Variants in GTPBP10 observed in about 807,000 individuals in gnomAD.
The protein encoded by GTPBP10 is GTP-binding protein 10.
In GTPBP10, 38 loss-of-function variants were observed where a neutral mutation model predicts 44.8. That is an observed-to-expected ratio of 0.85 (90% CI 0.65 to 1.11). The LOEUF is 1.11. GTPBP10 is among the 50% of genes most tolerant of loss of function. The pLI is 0.00. For missense variants in GTPBP10, 462 were observed against 453.7 expected (o/e 1.02, Z -0.17); for synonymous variants, 152 against 150.6 (o/e 1.01, Z -0.07).
At position 90,389,212 on chromosome 7, in the gene GTPBP10, A is replaced by G. The variant is rs1796574558; in HGVS notation, c.*4058A>G. 1 of 152,174 alleles carries G rather than the reference A, an allele frequency of 6.6e-6. No homozygotes were observed. Among genetic ancestry groups the G allele is most frequent in the South Asian group, 2.1e-4 (1 of 4,828 alleles). 9.4% of individuals were successfully genotyped at this position (152,174 alleles called of 1,614,324 possible). On this transcript the variant is annotated 3_prime_UTR_variant, in exon 10 of 10. Coordinates refer to ENST00000222511, the MANE Select transcript of GTPBP10 (RefSeq NM_033107.4). ...TTCGAGTACATGGTCTGTGCTAGTA[A>G]TCATATCTAAAGTGGTAATGTTACC...
At chr7:90,362,128 T>C (rs779053011) in intron 4 of GTPBP10, among the ~76,000 whole-genome samples, 176 of 152,128 alleles carry the variant, frequency 1.2e-3, no homozygotes, top group Non-Finnish European at 2.1e-3. Context: ...GTGTCTCTAT[T>C]TCCTTCATTT....
intron 8 of GTPBP10, among the ~76,000 whole-genome samples, chr7:90,381,079 T>C (rs1340588288): frequency 6.6e-6 from 1 of 152,224 alleles, no homozygotes; most frequent in Non-Finnish European, 1.5e-5. Context: ...TTGTGAATAA[T>C]GTTTCAGTAA....
intron 4 of GTPBP10, 89 bp from the exon 5 acceptor site, chr7:90,372,066 C>G: frequency 1.3e-6 from 1 of 742,246 alleles, no homozygotes; most frequent in South Asian, 1.8e-5. Context: ...CTTTTAATCC[C>G]AAATATATTC....
chr7:90,374,713 GAGAA>G (rs776437052), intron 6 of GTPBP10, among the ~76,000 whole-genome samples: 6 of 151,154 alleles, frequency 4.0e-5, no homozygotes, highest in African/African-American at 4.9e-5. Context: ...TTCTTTTTTT[GAGAA>G]AGAAAATGTT....
chr7:90,372,311 T>TAACTCGG (rs899208669), intron 5 of GTPBP10, 83 bp downstream of exon 5: 1 of 995,206 alleles, frequency 1.0e-6, no homozygotes, highest in African/African-American at 1.6e-5. Context: ...AATAAAATGA[T>TAACTCGG]AACTCGGAGG....
rs1360942499 is a variant in GTPBP10 at position 90,389,927 on chromosome 7, A to G, written c.*4773A>G. 1 of 152,234 alleles carries G rather than the reference A, an allele frequency of 6.6e-6. No homozygotes were observed. The highest frequency in any genetic ancestry group is 2.4e-5 in the African/African-American group (1 of 41,416). The allele number at this position is 152,234 out of a possible 1,614,324, so 9.4% of individuals were successfully genotyped here. On this transcript the variant is annotated 3_prime_UTR_variant, in exon 10 of 10. Coordinates refer to ENST00000222511, the MANE Select transcript of GTPBP10 (RefSeq NM_033107.4). ...CTCATCCTCCCAAGTAGCTAGGACT[A>G]CAAGTGTGTGCCACCATACCTGGCT...
chr7:90,372,044 A>C, intron 4 of GTPBP10, 111 bp from the exon 5 acceptor site: 1 of 628,008 alleles, frequency 1.6e-6, no homozygotes, highest in Non-Finnish European at 2.7e-6. Context: ...TTTATAATAC[A>C]TTTATATTCT....
intron 1 of GTPBP10, among the ~76,000 whole-genome samples, chr7:90,348,389 A>C (rs1207554200): frequency 6.6e-6 from 1 of 152,216 alleles, no homozygotes; most frequent in Non-Finnish European, 1.5e-5. Context: ...TGGAAGCCTC[A>C]CTGATAACAT....
chr7:90,371,941 T>A (rs1478757119), intron 4 of GTPBP10, among the ~76,000 whole-genome samples: 1 of 152,186 alleles, frequency 6.6e-6, no homozygotes, highest in Non-Finnish European at 1.5e-5. Context: ...GAATAATTAT[T>A]ATACACTTTA....
intron 5 of GTPBP10, 152 bp from the exon 6 acceptor site, chr7:90,374,150 A>G (rs1796305155): frequency 1.6e-6 from 1 of 643,688 alleles, no homozygotes; most frequent in African/African-American, 1.9e-5. Context: ...CCAAGTACAT[A>G]TTAAATAGCA....
chr7:90,353,896 A>G (rs1482522398), intron 2 of GTPBP10, among the ~76,000 whole-genome samples: 1 of 150,312 alleles, frequency 6.7e-6, no homozygotes, highest in Non-Finnish European at 1.5e-5. Flanking sequence ...GCACTATCAT[A>G]GCTCACTGCA....
chr7:90,370,496 G>A (rs1054324526), intron 4 of GTPBP10, among the ~76,000 whole-genome samples: 16 of 152,044 alleles, frequency 1.1e-4, no homozygotes, highest in South Asian at 2.1e-4. Flanking sequence ...TAAGCTGTGC[G>A]TACACAGAGG....
At chr7:90,364,533 C>T (rs1487512052) in intron 4 of GTPBP10, among the ~76,000 whole-genome samples, 2 of 152,184 alleles carry the variant, frequency 1.3e-5, no homozygotes, top group African/African-American at 4.8e-5. Context: ...AAGGTGTCAG[C>T]CTGCCCTTAC....
At chr7:90,347,076 G>A (rs527366319) in intron 1 of GTPBP10, among the ~76,000 whole-genome samples, 1 of 151,788 alleles carries the variant, frequency 6.6e-6, no homozygotes, top group Admixed American at 6.6e-5. Flanking sequence ...TGTTGTGGTG[G>A]TTTTTTTTCC....
chr7:90,360,513 A>G (rs1353334947), intron 4 of GTPBP10, among the ~76,000 whole-genome samples: 4 of 152,304 alleles, frequency 2.6e-5, no homozygotes, highest in East Asian at 3.9e-4. Context: ...CTGTTTTGGT[A>G]CCAGTACCAT....
At chr7:90,375,485 A>G (rs1046476084) in intron 6 of GTPBP10, among the ~76,000 whole-genome samples, 18 of 152,208 alleles carry the variant, frequency 1.2e-4, no homozygotes, top group Non-Finnish European at 2.4e-4. Context: ...TTAAAGAAAC[A>G]TAAAAAAGTA....
rs1199344290 is a variant in GTPBP10 at position 90,391,253 on chromosome 7, A to G, written c.*6099A>G. On this transcript the variant is annotated 3_prime_UTR_variant, in exon 10 of 10. Transcript: ENST00000222511. ...GTATTTCAGAACTTTTCCATTTAATATTTTTGGACCACAGTTGACTGAAAC... is the reference window on the plus strand; with the variant it reads ...GTATTTCAGAACTTTTCCATTTAATGTTTTTGGACCACAGTTGACTGAAAC... 5.4e-5 allele frequency: 8 copies of G among 148,540 alleles called. No homozygotes were observed. Among genetic ancestry groups the G allele is most frequent in the Admixed American group, 5.4e-4 (8 of 14,888 alleles). The allele number at this position is 148,540 out of a possible 1,614,324, so 9.2% of individuals were successfully genotyped here.
intron 6 of GTPBP10, 28 bp downstream of exon 6, chr7:90,374,382 A>C (rs1017956635): frequency 7.0e-7 from 1 of 1,419,972 alleles, no homozygotes; most frequent in Non-Finnish European, 9.9e-7. Flanking sequence ...AAAACACTAT[A>C]TTAGAAGTCA....
chr7:90,371,539 G>A lies in GTPBP10; in HGVS notation c.465-616G>A, dbSNP rs190211517. Among the ~76,000 whole-genome samples, 626 of 152,250 alleles carry A rather than the reference G, an allele frequency of 4.1e-3. 5 individuals are homozygous for A. Among genetic ancestry groups the A allele is most frequent in the Middle Eastern group, 0.017 (5 of 294 alleles). ...AAGACTTTGGAAAAGAAACTCTGTA[G>A]GACAACTGACCCAGTTTCTTTAAAA... On this transcript the variant is annotated intron_variant, in intron 4 of 9. Coordinates refer to ENST00000222511, the MANE Select transcript of GTPBP10 (RefSeq NM_033107.4).
Sources: allele counts gnomAD v4.1 joint callset (sites outside exome capture counted in the v4.1 genomes callset), GRCh38; gene constraint gnomAD v4.1.1; transcripts MANE v1.5; gene names NCBI Gene and HGNC (gene_info 2026-07-23, HGNC 2026-07-21).